Variants in BCAT2 observed in about 807,000 individuals in gnomAD.
BCAT2 encodes branched chain amino acid transaminase 2, also known as branched-chain-amino-acid aminotransferase, mitochondrial.
A neutral mutation model predicts 52.9 loss-of-function variants in BCAT2; 44 were observed. The ratio of observed to expected loss-of-function variants is 0.83; its 90% CI spans 0.65 to 1.07. BCAT2 has a LOEUF of 1.07. Ranked by LOEUF, BCAT2 falls within the 50% of genes least tolerant of loss-of-function variation. The probability of loss-of-function intolerance (pLI) is 0.00; values close to 1 mark genes in which losing one functional copy is unlikely to be tolerated. For synonymous variants in BCAT2, 215 were observed against 217.1 expected (o/e 0.99, Z 0.08); for missense variants, 478 against 521.8 (o/e 0.92, Z 0.82).
rs749674051 is a variant in BCAT2, at chr19:48,799,845, C to T, written c.532-7G>A. On this transcript the variant is annotated splice_polypyrimidine_tract_variant and splice_region_variant and intron_variant, in intron 5 of 10. Coordinates refer to ENST00000316273, the MANE Select transcript of BCAT2 (RefSeq NM_001190.4). This position sits in a 1 kb window ranked among gnomAD's most constrained non-coding sequence, Gnocchi z 5.5. ...GGCTGACACCCAGCGAGGGCTGCGA[C>T]GGGCAAAGGGACAGCGTCAGGAGTC... 1 of 1,562,110 alleles carries T rather than the reference C, an allele frequency of 6.4e-7. No homozygotes were observed. The highest frequency in any genetic ancestry group is 1.2e-5 in the South Asian group (1 of 85,528).
chr19:48,808,774 A>G (rs1033545694), intron 1 of BCAT2, among the ~76,000 whole-genome samples: 2 of 151,432 alleles, frequency 1.3e-5, no homozygotes, highest in East Asian at 3.9e-4. Flanking sequence ...AAGAAAAAAA[A>G]CAAAGAAAGA....
rs968654344 is a variant in BCAT2, at chr19:48,806,670, A to C, written c.147T>G (p.Pro49=). 1.9e-6 allele frequency: 3 copies of C among 1,613,782 alleles called. No homozygotes were observed. In the African/African-American group the frequency reaches 4.0e-5, roughly 22 times the overall value. ...LEMTQKPHKK[P]GPGEPLVFGK... is the part of the protein sequence containing the mutation. The stretch of plus-strand genomic sequence containing the variant: ...CAAACACCAGGGGCTCGCCGGGGCC[A>C]GGCTTCTTATGAGGCTTCTGTGTCA... Residue 49 remains proline (P), a synonymous_variant, in exon 3 of 11, where the codon CCT becomes CCG. Transcript: ENST00000316273.
At chr19:48,795,983 C>G in intron 10 of BCAT2, 1 of 293,662 alleles carries the variant, frequency 3.4e-6, no homozygotes, top group Non-Finnish European at 6.3e-6. Flanking sequence ...CTTGGGAGGC[C>G]AACCTCTGAG....
Position 48,799,428 on chromosome 19 carries a change from C to T in BCAT2, c.695+247G>A. The T allele has an allele frequency of 2.0e-6, 1 of 498,714 alleles. No individual in the cohort carries two copies. The allele number at this position is 498,714 out of a possible 1,614,324, so 30.9% of individuals were successfully genotyped here. On this transcript the variant is annotated intron_variant, in intron 6 of 10. Coordinates refer to ENST00000316273, the MANE Select transcript of BCAT2 (RefSeq NM_001190.4). This position sits in a 1 kb window ranked among gnomAD's most constrained non-coding sequence, Gnocchi z 5.5. ...TTCCAGGGACCAGTCCTGGTTTCCCCACTGACCTCCACCCAATGCCTTCCC... is the reference window on the plus strand; with the variant it reads ...TTCCAGGGACCAGTCCTGGTTTCCCTACTGACCTCCACCCAATGCCTTCCC...
intron 3 of BCAT2, 110 bp from the exon 4 acceptor site, chr19:48,800,407 G>A: frequency 1.0e-6 from 1 of 975,964 alleles, no homozygotes; most frequent in Non-Finnish European, 1.5e-6. Flanking sequence ...GAAAGATGGA[G>A]GCCAAGAGGA....
rs1413231768 is a variant in BCAT2, at chr19:48,796,621, G to A, written c.1022C>T (p.Ala341Val). 3 of 1,613,750 alleles carry A rather than the reference G, an allele frequency of 1.9e-6. No homozygotes were observed. Among genetic ancestry groups the A allele is most frequent in the Non-Finnish European group, 1.7e-6 (2 of 1,180,022 alleles). Residue 341 changes from alanine to valine, a missense_variant, in exon 9 of 11, where the codon GCT becomes GTT. Coordinates refer to ENST00000316273, the MANE Select transcript of BCAT2 (RefSeq NM_001190.4). Reference protein sequence around the residue: ...RVREVFGSGTACQVCPVHRIL... With the variant: ...RVREVFGSGTVCQVCPVHRIL... ...TCGGTGCACTGGGCAGACCTGGCAA[G>A]CGGTGCCCGAGCCAAAGACTTCCCG...
rs751570511 is a variant in BCAT2, at chr19:48,806,702, G to C, written c.115C>G (p.Leu39Val). Residue 39 changes from leucine to valine, a missense_variant, in exon 3 of 11, where the codon CTG (leucine) becomes GTG (valine). Leu to Val is a conservative substitution (Grantham distance 32, BLOSUM62 1). Coordinates refer to ENST00000316273, the MANE Select transcript of BCAT2 (RefSeq NM_001190.4). ...SSSFKAADLQ[L>V]EMTQKPHKKP... ...TTATGAGGCTTCTGTGTCATTTCCA[G>C]CTGCAGGTCTGCAGCCTGAGGAAAG... The C allele has an allele frequency of 1.4e-5, 22 of 1,613,324 alleles. No individual in the cohort carries two copies. The East Asian group carries it at 4.9e-4, about 36-fold the overall frequency.
chr19:48,807,100 G>A lies in BCAT2; in HGVS notation c.25-26C>T, dbSNP rs377375515. 5 of 1,594,852 alleles carry A rather than the reference G, an allele frequency of 3.1e-6. No individual in the cohort carries two copies. In the African/African-American group the frequency reaches 4.0e-5, roughly 13 times the overall value. On this transcript the variant is annotated intron_variant, in intron 1 of 10. Transcript: ENST00000316273. The surrounding 1 kb of genome is among the most constrained non-coding windows in gnomAD (Gnocchi z 4.6). ...CTGGGTGGAGAAAGAAGTGAGAGAG[G>A]GGGTGAGTGGGGCACAGCAGGGGCC...
intron 1 of BCAT2, among the ~76,000 whole-genome samples, chr19:48,810,149 T>C (rs1226834914): frequency 6.6e-6 from 1 of 152,130 alleles, no homozygotes; most frequent in East Asian, 1.9e-4. Flanking sequence ...ACTATCCCTA[T>C]CAGTCACTAA....
Position 48,807,826 on chromosome 19 carries a change from G to A in BCAT2, c.25-752C>T. The A allele has an allele frequency of 1.0e-6, 1 of 985,636 alleles. No homozygotes were observed. The highest frequency in any genetic ancestry group is 4.7e-5 in the South Asian group (1 of 21,290). 61.1% of individuals were successfully genotyped at this position (985,636 alleles called of 1,614,324 possible). A position where few individuals can be genotyped will look rare whatever the true frequency, so the allele number is the denominator to read the frequency against. ...CCCTGGGGCTGAGGGGCAGCTACAG[G>A]GGCCTGGGGAGCCACTGCAGTCCTC... On this transcript the variant is annotated intron_variant, in intron 1 of 10. Coordinates refer to ENST00000316273, the MANE Select transcript of BCAT2 (RefSeq NM_001190.4). The surrounding 1 kb of genome is among the most constrained non-coding windows in gnomAD (Gnocchi z 4.6).
chr19:48,806,837 T>G, intron 2 of BCAT2, 120 bp from the exon 3 acceptor site: 1 of 1,409,352 alleles, frequency 7.1e-7, no homozygotes, highest in South Asian at 1.2e-5. Context: ...CCCTGGAGGA[T>G]TCTGGGACAT....
rs2034553394 is a variant in BCAT2, at chr19:48,797,471, A to G, written c.696-138T>C. 3.8e-6 allele frequency: 4 copies of G among 1,062,216 alleles called. No homozygotes were observed. The South Asian group carries it at 6.5e-5, about 17-fold the overall frequency. 65.8% of individuals were successfully genotyped at this position (1,062,216 alleles called of 1,614,324 possible). ...GGGCTCCCCAGTTCCCCTGAGATGG[A>G]ATCCTTGACTTTTCATTTGGCATCA... On this transcript the variant is annotated intron_variant, in intron 6 of 10. Transcript: ENST00000316273.
At chr19:48,806,437 A>G (rs2034781268) in intron 3 of BCAT2, 80 bp downstream of exon 3, 1 of 1,541,588 alleles carries the variant, frequency 6.5e-7, no homozygotes, top group South Asian at 1.1e-5. Context: ...ACAAACCAAG[A>G]GAGGTACACC....
chr19:48,808,957 C>T (rs892849824), intron 1 of BCAT2, among the ~76,000 whole-genome samples: 4 of 147,484 alleles, frequency 2.7e-5, no homozygotes, highest in African/African-American at 1.0e-4. Flanking sequence ...ACCTGTAATT[C>T]CAGTTACTCA....
At chr19:48,801,233 C>T (rs985825048) in intron 3 of BCAT2, among the ~76,000 whole-genome samples, 7 of 150,266 alleles carry the variant, frequency 4.7e-5, no homozygotes, top group Non-Finnish European at 8.9e-5. Flanking sequence ...TGCACCCAGC[C>T]AGACTTTTTT....
chr19:48,795,368 C>T lies in BCAT2; in HGVS notation c.*58G>A. 1.9e-6 allele frequency: 3 copies of T among 1,608,728 alleles called. No individual in the cohort carries two copies. Among genetic ancestry groups the T allele is most frequent in the Non-Finnish European group, 2.6e-6 (3 of 1,176,070 alleles). ...TTCAGGTGAGTCATTGGTAGGGAGGCGAGTGCTGGCGTGACGAGATGCTAC... is the reference window on the plus strand; with the variant it reads ...TTCAGGTGAGTCATTGGTAGGGAGGTGAGTGCTGGCGTGACGAGATGCTAC... On this transcript the variant is annotated 3_prime_UTR_variant, in exon 11 of 11. Coordinates refer to ENST00000316273, the MANE Select transcript of BCAT2 (RefSeq NM_001190.4).
intron 6 of BCAT2, among the ~76,000 whole-genome samples, chr19:48,798,186 T>G (rs981243242): frequency 2.0e-5 from 3 of 152,120 alleles, no homozygotes; most frequent in Non-Finnish European, 4.4e-5. Flanking sequence ...ATTACAAGCG[T>G]GAGCTACCGC....
chr19:48,803,400 C>A (rs950201670), intron 3 of BCAT2, among the ~76,000 whole-genome samples: 1 of 151,938 alleles, frequency 6.6e-6, no homozygotes, highest in East Asian at 1.9e-4. Context: ...TGGTGGTGCA[C>A]ACCTGCAGTC....
At position 48,799,475 on chromosome 19, in the gene BCAT2, T is replaced by C; in HGVS notation, c.695+200A>G. 1.5e-6 allele frequency: 1 copy of C among 673,052 alleles called. No individual in the cohort carries two copies. The highest frequency in any genetic ancestry group is 3.9e-5 in the Admixed American group (1 of 25,870). 41.7% of individuals were successfully genotyped at this position (673,052 alleles called of 1,614,324 possible). ...TCCCATCTGTGAGCCTTTTTGTCCA[T>C]CTGAAAAATAATCCCCTCCTCCTTC... On this transcript the variant is annotated intron_variant, in intron 6 of 10. Transcript: ENST00000316273. The surrounding 1 kb of genome is among the most constrained non-coding windows in gnomAD (Gnocchi z 5.5).
Sources: gnomAD v4.1 joint callset for allele counts (sites outside exome capture counted in the v4.1 genomes callset) on GRCh38, gnomAD v4.1.1 for gene constraint, Gnocchi (gnomAD v3.1) non-coding constraint, MANE v1.5 for transcripts, NCBI Gene and HGNC (gene_info 2026-07-23, HGNC 2026-07-21) for gene names.